Variants in RXFP1 observed in about 807,000 individuals in gnomAD.
RXFP1 encodes relaxin receptor 1.
RXFP1 carries 73 observed loss-of-function variants against 89.8 expected under a neutral mutation model. The observed-to-expected ratio is 0.81, with a 90% CI of 0.67 to 0.99. RXFP1 has a LOEUF of 0.99. Ranked by LOEUF, RXFP1 falls within the 50% of genes least tolerant of loss-of-function variation. The pLI is 0.00. For synonymous variants in RXFP1, 277 were observed against 305.5 expected, an observed-to-expected ratio of 0.91 and a Z score of 0.97; for missense variants, 793 against 895.5, an observed-to-expected ratio of 0.89 and a Z score of 1.46.
At chr4:158,574,037 T>A (rs1230940165) in intron 2 of RXFP1, among the ~76,000 whole-genome samples, 2 of 152,186 alleles carry the variant, frequency 1.3e-5, no homozygotes, top group African/African-American at 4.8e-5. Context: ...TCTGGCCAAT[T>A]TGAATATGGG....
intron 1 of RXFP1, among the ~76,000 whole-genome samples, chr4:158,569,751 A>T (rs1754635566): frequency 6.6e-6 from 1 of 152,176 alleles, no homozygotes; most frequent in African/African-American, 2.4e-5. Flanking sequence ...AGCATCCCTA[A>T]CCAGAGATAC....
At chr4:158,642,532 C>T (rs1770579613) in intron 14 of RXFP1, among the ~76,000 whole-genome samples, 2 of 152,150 alleles carry the variant, frequency 1.3e-5, no homozygotes. Flanking sequence ...TATATGAGAA[C>T]ATGAGGTGTT....
chr4:158,558,325 T>C (rs1480237753), intron 1 of RXFP1, among the ~76,000 whole-genome samples: 1 of 152,138 alleles, frequency 6.6e-6, no homozygotes, highest in Non-Finnish European at 1.5e-5. Flanking sequence ...AGTTGCTTCC[T>C]CCAATTAAAC....
At chr4:158,558,076 C>A (rs1404251087) in intron 1 of RXFP1, among the ~76,000 whole-genome samples, 1 of 152,204 alleles carries the variant, frequency 6.6e-6, no homozygotes, top group Non-Finnish European at 1.5e-5. Flanking sequence ...CCTACTAATA[C>A]CTGCATTACA....
At chr4:158,591,857 TG>T (rs1759547302) in intron 2 of RXFP1, among the ~76,000 whole-genome samples, 1 of 152,208 alleles carries the variant, frequency 6.6e-6, no homozygotes, top group South Asian at 2.1e-4. Flanking sequence ...TTCATATGTT[TG>T]GGCATCCTTA....
intron 11 of RXFP1, among the ~76,000 whole-genome samples, chr4:158,632,320 C>G (rs1278185928): frequency 5.9e-5 from 9 of 151,992 alleles, no homozygotes; most frequent in African/African-American, 2.2e-4. Flanking sequence ...ATTGTCCTAC[C>G]CTTCGAGGTC....
At chr4:158,564,838 G>A (rs1753217716) in intron 1 of RXFP1, among the ~76,000 whole-genome samples, 1 of 152,174 alleles carries the variant, frequency 6.6e-6, no homozygotes, top group East Asian at 1.9e-4. Context: ...TGTTCTTAAA[G>A]ATATGGTTCC....
intron 9 of RXFP1, among the ~76,000 whole-genome samples, chr4:158,626,505 T>C (rs1313611337): frequency 1.3e-5 from 2 of 152,174 alleles, no homozygotes. Context: ...TATCGGTTAA[T>C]AAATTAGGTG....
At chr4:158,568,571 T>G (rs565894817) in intron 1 of RXFP1, among the ~76,000 whole-genome samples, 138 of 152,352 alleles carry the variant, frequency 9.1e-4, no homozygotes, top group Middle Eastern at 6.8e-3. Context: ...ATGCTTGAGA[T>G]CTCTGAAATA....
At chr4:158,567,365 G>C (rs1375127569) in intron 1 of RXFP1, among the ~76,000 whole-genome samples, 1 of 152,244 alleles carries the variant, frequency 6.6e-6, no homozygotes, top group Non-Finnish European at 1.5e-5. Context: ...CTGGGCTCCT[G>C]AGTCTGGTGG....
chr4:158,603,902 A>C (rs1364867833), intron 4 of RXFP1, among the ~76,000 whole-genome samples: 2 of 146,840 alleles, frequency 1.4e-5, no homozygotes, highest in Non-Finnish European at 3.0e-5. Flanking sequence ...TAATAATAAT[A>C]ATAATAATAA....
intron 1 of RXFP1, among the ~76,000 whole-genome samples, chr4:158,568,397 C>T (rs1754251675): frequency 6.6e-6 from 1 of 152,180 alleles, no homozygotes; most frequent in Non-Finnish European, 1.5e-5. Context: ...AAAAGAGCTG[C>T]ATGAAAACAC....
intron 2 of RXFP1, among the ~76,000 whole-genome samples, chr4:158,585,587 A>G (rs1561068304): frequency 1.3e-5 from 2 of 152,194 alleles, no homozygotes; most frequent in Non-Finnish European, 2.9e-5. Context: ...CATGCATTTT[A>G]TGTACTTTAA....
upstream of RXFP1, chr4:158,521,786 A>C (rs939700291): frequency 3.9e-5 from 21 of 541,698 alleles, no homozygotes; most frequent in Non-Finnish European, 6.5e-5. Flanking sequence ...TGAGAATAGA[A>C]AGGAGGAAAG....
intron 3 of RXFP1, among the ~76,000 whole-genome samples, chr4:158,594,284 C>T (rs1247909000): frequency 6.6e-6 from 1 of 152,128 alleles, no homozygotes; most frequent in Non-Finnish European, 1.5e-5. Flanking sequence ...ATTCAGGGCC[C>T]TGTTCAAATC....
intron 1 of RXFP1, among the ~76,000 whole-genome samples, chr4:158,569,365 AT>A (rs1217776251): frequency 1.3e-5 from 2 of 152,318 alleles, no homozygotes; most frequent in African/African-American, 4.8e-5. Flanking sequence ...GTCATTATAC[AT>A]TTGTCCAAAC....
At chr4:158,541,581 A>G (rs1023438194) in intron 1 of RXFP1, among the ~76,000 whole-genome samples, 2 of 152,190 alleles carry the variant, frequency 1.3e-5, no homozygotes. Flanking sequence ...TCAAACATAC[A>G]CAAAAATTAC....
upstream of RXFP1, chr4:158,521,877 C>A: frequency 1.5e-6 from 1 of 680,502 alleles, no homozygotes; most frequent in Non-Finnish European, 2.6e-6. Context: ...GCTAAGATTG[C>A]AGACAGAAAT....
chr4:158,608,218 A>T (rs1175066551), intron 6 of RXFP1, among the ~76,000 whole-genome samples, 175 bp downstream of exon 6: 1 of 150,804 alleles, frequency 6.6e-6, no homozygotes, highest in Non-Finnish European at 1.5e-5. Context: ...GACAGGCTTC[A>T]GTCCAAGTCC....
Sources: gnomAD v4.1 joint callset for allele counts (sites outside exome capture counted in the v4.1 genomes callset) on GRCh38, gnomAD v4.1.1 for gene constraint, MANE v1.5 for transcripts, NCBI Gene and HGNC (gene_info 2026-07-23, HGNC 2026-07-21) for gene names.